Variants in BICD1 observed in about 807,000 individuals in gnomAD.
BICD1 encodes BICD cargo adaptor 1.
Under a neutral mutation model 92.5 loss-of-function variants are expected in BICD1, and 35 were observed. That is an observed-to-expected ratio of 0.38 (90% CI 0.29 to 0.50). BICD1 has a LOEUF of 0.50. Ranked by LOEUF, BICD1 falls within the 20% of genes least tolerant of loss-of-function variation. The pLI, the probability that BICD1 is intolerant of heterozygous loss-of-function variation, is 0.93. For synonymous variants in BICD1, 429 were observed against 465.1 expected (o/e 0.92, Z 1.00); for missense variants, 950 against 1,189.8 (o/e 0.80, Z 2.97).
intron 2 of BICD1, among the ~76,000 whole-genome samples, chr12:32,278,842 C>G (rs1376290680): frequency 6.6e-6 from 1 of 151,252 alleles, no homozygotes; most frequent in South Asian, 2.1e-4. Context: ...GGCGACAGAG[C>G]GAGACCCTGT....
chr12:32,117,060 T>A (rs899441589), intron 1 of BICD1, among the ~76,000 whole-genome samples: 1 of 152,200 alleles, frequency 6.6e-6, no homozygotes, highest in Non-Finnish European at 1.5e-5. Context: ...CAAGGCCCTG[T>A]GAGTCACTGG....
chr12:32,326,897 A>G (rs261892), intron 4 of BICD1, among the ~76,000 whole-genome samples: 125,159 of 152,106 alleles, frequency 0.82, 51,662 homozygotes, highest in East Asian at 0.87. Context: ...AAAGATAAAA[A>G]CTATCAAATG....
At chr12:32,150,943 C>T (rs902250166) in intron 1 of BICD1, among the ~76,000 whole-genome samples, 1 of 152,092 alleles carries the variant, frequency 6.6e-6, no homozygotes, top group Non-Finnish European at 1.5e-5. Context: ...TCCTTGTAAT[C>T]TTAACATCAA....
rs138435176 is a variant in BICD1 at position 32,316,051 on chromosome 12, G to A, written c.1005+9929G>A. On this transcript the variant is annotated intron_variant, in intron 4 of 9. Coordinates refer to ENST00000652176, the MANE Select transcript of BICD1 (RefSeq NM_001714.4). ...CTTGGGAGGCTGAGGCAGGAGAATT[G>A]CTTGAACCCAGGAGCCAGAGGTTGC... Among the ~76,000 whole-genome samples, 1,087 of 151,400 alleles carry A rather than the reference G, an allele frequency of 7.2e-3. 14 individuals carry two copies. Among genetic ancestry groups the A allele is most frequent in the African/African-American group, 0.024 (1,010 of 41,266 alleles).
At chr12:32,294,190 A>G in intron 3 of BICD1, 44 bp downstream of exon 3, 2 of 1,534,258 alleles carry the variant, frequency 1.3e-6, no homozygotes, top group Non-Finnish European at 8.8e-7. Context: ...ATGGATCTAC[A>G]TCTTCTGACC....
intron 5 of BICD1, among the ~76,000 whole-genome samples, chr12:32,330,664 C>T (rs1049946764): frequency 1.1e-4 from 17 of 151,508 alleles, no homozygotes; most frequent in African/African-American, 3.1e-4. Context: ...AATTTTAGGT[C>T]GGAATAAAGG....
chr12:32,302,463 AG>A (rs1210257732), intron 3 of BICD1, among the ~76,000 whole-genome samples: 2 of 152,210 alleles, frequency 1.3e-5, no homozygotes, highest in African/African-American at 4.8e-5. Flanking sequence ...GCCTTTGAGC[AG>A]GTAGTAGATA....
At chr12:32,167,968 A>G (rs934294229) in intron 1 of BICD1, among the ~76,000 whole-genome samples, 2 of 151,834 alleles carry the variant, frequency 1.3e-5, no homozygotes, top group African/African-American at 4.8e-5. Flanking sequence ...AAAAGGAATA[A>G]TGTCCTCAAC....
chr12:32,335,986 G>T (rs1291770172), intron 6 of BICD1, among the ~76,000 whole-genome samples: 1 of 152,016 alleles, frequency 6.6e-6, no homozygotes, highest in African/African-American at 2.4e-5. Context: ...TTTACATTTG[G>T]CTGATACATG....
At chr12:32,344,558 G>A (rs1938499999) in intron 8 of BICD1, among the ~76,000 whole-genome samples, 1 of 152,162 alleles carries the variant, frequency 6.6e-6, no homozygotes, top group South Asian at 2.1e-4. Context: ...CAGATGAGAG[G>A]TAGTGGAGAC....
chr12:32,348,045 G>A (rs78230552), intron 8 of BICD1, among the ~76,000 whole-genome samples: 45 of 152,142 alleles, frequency 3.0e-4, no homozygotes, highest in Middle Eastern at 6.8e-3. Context: ...GGACCCATTC[G>A]ACAAAAATGC....
chr12:32,226,212 G>T (rs1302448392), intron 2 of BICD1, among the ~76,000 whole-genome samples: 2 of 152,270 alleles, frequency 1.3e-5, no homozygotes, highest in East Asian at 3.9e-4. Context: ...TCGGCTCACT[G>T]CAGCCTCCAC....
chr12:32,199,162 CA>C (rs1319827836), intron 1 of BICD1, among the ~76,000 whole-genome samples: 7 of 151,466 alleles, frequency 4.6e-5, no homozygotes, highest in African/African-American at 9.7e-5. Context: ...AAACTTCTGG[CA>C]AAAAAAGATA....
At chr12:32,253,724 T>G (rs139791840) in intron 2 of BICD1, among the ~76,000 whole-genome samples, 1,559 of 152,348 alleles carry the variant, frequency 0.01, 16 homozygotes, top group Middle Eastern at 0.017. Context: ...TCCCTCTAAC[T>G]GCAATACAAG....
At chr12:32,137,055 T>C (rs1942756837) in intron 1 of BICD1, among the ~76,000 whole-genome samples, 1 of 152,186 alleles carries the variant, frequency 6.6e-6, no homozygotes, top group Non-Finnish European at 1.5e-5. Context: ...GAATATTTAG[T>C]ATTTTTAAGT....
intron 2 of BICD1, among the ~76,000 whole-genome samples, chr12:32,261,716 G>A (rs1463963312): frequency 6.6e-6 from 1 of 152,210 alleles, no homozygotes; most frequent in Non-Finnish European, 1.5e-5. Context: ...TTGGCAGCAG[G>A]TGTACCCAGC....
chr12:32,277,936 T>G (rs1592599929), intron 2 of BICD1, among the ~76,000 whole-genome samples: 1 of 152,326 alleles, frequency 6.6e-6, no homozygotes, highest in East Asian at 1.9e-4. Flanking sequence ...TTCTTTCCCT[T>G]TCACAGCACC....
chr12:32,195,343 A>G (rs113584298), intron 1 of BICD1, among the ~76,000 whole-genome samples: 1,743 of 142,608 alleles, frequency 0.012, 32 homozygotes, highest in African/African-American at 0.051. Flanking sequence ...TGGAGGAACC[A>G]CTTCCTGGTT....
intron 2 of BICD1, among the ~76,000 whole-genome samples, chr12:32,284,048 G>A (rs552800232): frequency 6.6e-6 from 1 of 152,354 alleles, no homozygotes; most frequent in East Asian, 1.9e-4. Flanking sequence ...CTGAAGATCA[G>A]GCCTTCTTGG....
Sources: gnomAD v4.1 joint callset for allele counts (sites outside exome capture counted in the v4.1 genomes callset) on GRCh38, gnomAD v4.1.1 for gene constraint, MANE v1.5 for transcripts, NCBI Gene and HGNC (gene_info 2026-07-23, HGNC 2026-07-21) for gene names.